NBEA: variants seen among roughly 807,000 people sequenced by gnomAD.
NBEA encodes lysosomal-trafficking regulator 2.
A neutral mutation model predicts 343.4 loss-of-function variants in NBEA; 44 were observed. That is an observed-to-expected ratio of 0.13 (90% CI 0.10 to 0.16). The LOEUF (loss-of-function observed/expected upper bound fraction) is 0.16. NBEA is among the 10% of genes least tolerant of loss of function. The pLI is 1.00. For missense variants in NBEA, 2,555 were observed against 3,631.3 expected (o/e 0.70, Z 7.62); for synonymous variants, 1,175 against 1,238.7 (o/e 0.95, Z 1.08).
intron 10 of NBEA, among the ~76,000 whole-genome samples, chr13:35,096,166 G>A (rs1459807712): frequency 4.6e-5 from 7 of 150,882 alleles, no homozygotes; most frequent in East Asian, 3.9e-4. Context: ...TTACTATTAC[G>A]TCCACCATGT....
At chr13:35,442,220 G>A (rs188071727) in intron 39 of NBEA, among the ~76,000 whole-genome samples, 1 of 151,974 alleles carries the variant, frequency 6.6e-6, no homozygotes, top group South Asian at 2.1e-4. Flanking sequence ...GGGACCAAAC[G>A]CTATGCAATG....
At chr13:35,480,244 G>T (rs1594771944) in intron 41 of NBEA, among the ~76,000 whole-genome samples, 1 of 152,128 alleles carries the variant, frequency 6.6e-6, no homozygotes, top group East Asian at 1.9e-4. Flanking sequence ...CTGCAGACCT[G>T]CTTACTTATA....
chr13:35,291,326 A>G (rs577094362), intron 35 of NBEA, among the ~76,000 whole-genome samples: 2 of 152,050 alleles, frequency 1.3e-5, no homozygotes, highest in East Asian at 3.9e-4. Context: ...CAGACAAACA[A>G]CAATATGCTT....
At chr13:35,634,685 T>C (rs565449910) in intron 49 of NBEA, among the ~76,000 whole-genome samples, 1 of 152,316 alleles carries the variant, frequency 6.6e-6, no homozygotes, top group African/African-American at 2.4e-5. Context: ...TATTTATAGA[T>C]ATACACATTT....
chr13:34,946,513 GCTTT>G (rs1445725590), intron 1 of NBEA, among the ~76,000 whole-genome samples: 2 of 151,792 alleles, frequency 1.3e-5, no homozygotes, highest in Non-Finnish European at 2.9e-5. Context: ...TTTTGGAATG[GCTTT>G]CTTATGTGTA....
intron 28 of NBEA, chr13:35,179,662 C>T (rs1266727124): frequency 2.3e-6 from 1 of 432,168 alleles, no homozygotes; most frequent in Middle Eastern, 1.2e-3. Context: ...GTGTAGTTGG[C>T]ATTCATTCAT....
intron 41 of NBEA, among the ~76,000 whole-genome samples, chr13:35,516,222 A>G (rs1422782088): frequency 1.3e-5 from 2 of 152,186 alleles, no homozygotes; most frequent in Non-Finnish European, 2.9e-5. Context: ...CTACATAGCA[A>G]GTTCCTATAT....
intron 38 of NBEA, among the ~76,000 whole-genome samples, chr13:35,383,274 G>A (rs889262671): frequency 6.6e-6 from 1 of 152,060 alleles, no homozygotes; most frequent in Non-Finnish European, 1.5e-5. Context: ...TCAGAATTGA[G>A]AATAGAAGGA....
intron 43 of NBEA, among the ~76,000 whole-genome samples, chr13:35,552,383 A>T (rs924184892): frequency 6.6e-6 from 1 of 152,034 alleles, no homozygotes; most frequent in African/African-American, 2.4e-5. Flanking sequence ...ACGTATACAC[A>T]TGCTCAAGAT....
rs376983676 is a variant in NBEA, at chr13:35,667,452, G to A, written c.8543G>A (p.Arg2848His). Residue 2848 changes from arginine to histidine, a missense_variant, in exon 57 of 59, where the codon CGC becomes CAC. Arg to His is a conservative substitution (Grantham distance 29). Transcript: ENST00000379939. ...LEGPENCLFP[R>H]LISVSSEGHC... ...GGACCAGAAAACTGCTTATTCCCAC[G>A]CTTGATATCTGTCTCCAGCGAAGGC... 1.2e-4 allele frequency: 191 copies of A among 1,613,788 alleles called. No homozygotes were observed. The highest frequency in any genetic ancestry group is 1.6e-4 in the Middle Eastern group (1 of 6,084).
intron 48 of NBEA, among the ~76,000 whole-genome samples, chr13:35,627,445 T>G (rs564227936): frequency 1.3e-5 from 2 of 152,260 alleles, no homozygotes; most frequent in East Asian, 3.9e-4. Context: ...AAGGCCTTTT[T>G]TTTTTCTTTT....
intron 34 of NBEA, among the ~76,000 whole-genome samples, chr13:35,254,324 CTTT>C (rs377465927): frequency 0.044 from 5,891 of 132,722 alleles, 126 homozygotes; most frequent in South Asian, 0.084. Flanking sequence ...TTATTTTTTA[CTTT>C]TTTTTTTTTT....
chr13:35,192,603 T>C (rs1280032640), intron 30 of NBEA, among the ~76,000 whole-genome samples: 2 of 152,024 alleles, frequency 1.3e-5, no homozygotes, highest in Non-Finnish European at 2.9e-5. Context: ...TATTCTAATA[T>C]TTGATTTCTA....
intron 10 of NBEA, among the ~76,000 whole-genome samples, chr13:35,095,344 A>G (rs2065279646): frequency 1.3e-5 from 2 of 151,218 alleles, no homozygotes; most frequent in South Asian, 4.1e-4. Flanking sequence ...CAAATTAGTT[A>G]TGTTTATACA....
At chr13:35,320,043 A>T (rs993958606) in intron 36 of NBEA, among the ~76,000 whole-genome samples, 5 of 152,000 alleles carry the variant, frequency 3.3e-5, no homozygotes, top group African/African-American at 9.7e-5. Context: ...GTGACTCTTT[A>T]TCAACTTTGC....
chr13:35,359,515 A>C (rs2040687261), intron 38 of NBEA, among the ~76,000 whole-genome samples: 1 of 152,020 alleles, frequency 6.6e-6, no homozygotes. Context: ...CTACCAAAAA[A>C]ATAGTTTAGT....
chr13:34,987,701 T>A (rs1487415081), intron 1 of NBEA, among the ~76,000 whole-genome samples: 1 of 151,094 alleles, frequency 6.6e-6, no homozygotes, highest in African/African-American at 2.4e-5. Context: ...TTATTTTTAC[T>A]CTTTTTTCTC....
intron 32 of NBEA, among the ~76,000 whole-genome samples, chr13:35,209,069 T>C (rs978219543): frequency 6.6e-6 from 1 of 152,072 alleles, no homozygotes; most frequent in Non-Finnish European, 1.5e-5. Flanking sequence ...TGGTTTTGAG[T>C]CTTCTCAAAA....
chr13:35,552,429 T>A (rs2079373184), intron 43 of NBEA, among the ~76,000 whole-genome samples: 1 of 152,190 alleles, frequency 6.6e-6, no homozygotes, highest in African/African-American at 2.4e-5. Flanking sequence ...AACTAAGATA[T>A]TAGTAGATAA....
Sources: gnomAD v4.1 joint callset for allele counts (sites outside exome capture counted in the v4.1 genomes callset) on GRCh38, gnomAD v4.1.1 for gene constraint, MANE v1.5 for transcripts, NCBI Gene and HGNC (gene_info 2026-07-23, HGNC 2026-07-21) for gene names.